Variants in UNC79 observed in about 807,000 individuals in gnomAD.
UNC79 encodes protein unc-79 homolog.
Under a neutral mutation model 283.1 loss-of-function variants are expected in UNC79, and 37 were observed. The ratio of observed to expected loss-of-function variants is 0.13; its 90% CI spans 0.10 to 0.17. UNC79 has a LOEUF of 0.17. UNC79 is among the 10% of genes least tolerant of loss of function. UNC79 has a pLI of 1.00. For synonymous variants in UNC79, 1,107 were observed against 1,200.2 expected, an observed-to-expected ratio of 0.92 and a Z score of 1.61; for missense variants, 2,272 against 3,211.1, an observed-to-expected ratio of 0.71 and a Z score of 7.07.
chr14:93,373,701 T>C (rs2054500557), intron 1 of UNC79, among the ~76,000 whole-genome samples: 1 of 152,202 alleles, frequency 6.6e-6, no homozygotes, highest in Admixed American at 6.5e-5. Context: ...TACCAATTCT[T>C]GACAATGTTT....
chr14:93,557,324 C>T (rs992306550), intron 14 of UNC79, among the ~76,000 whole-genome samples: 2 of 152,124 alleles, frequency 1.3e-5, no homozygotes, highest in Non-Finnish European at 2.9e-5. Flanking sequence ...GTATCTTAGG[C>T]TGTTTCCTCA....
In UNC79 at chr14:93,688,566, G is replaced by C; in HGVS notation, c.6910-99G>C. 3 of 1,370,834 alleles carry C rather than the reference G, an allele frequency of 2.2e-6. No homozygotes were observed. Among genetic ancestry groups the C allele is most frequent in the Non-Finnish European group, 3.0e-6 (3 of 1,001,258 alleles). The allele number at this position is 1,370,834 out of a possible 1,614,324, so 84.9% of individuals were successfully genotyped here. A position where few individuals can be genotyped will look rare whatever the true frequency, so the allele number is the denominator to read the frequency against. ...AAGCAGGTTGTTTGCTCAGAGTGGC[G>C]ATAAGCGGGGTGGAAATGACAACCT... is the stretch of plus-strand genomic sequence containing the variant. On this transcript the variant is annotated intron_variant, in intron 43 of 48. Coordinates refer to ENST00000555664, the Ensembl canonical transcript of UNC79. This position sits in a 1 kb window ranked among gnomAD's most constrained non-coding sequence, Gnocchi z 4.0.
chr14:93,350,412 T>C (rs2053959576), intron 1 of UNC79, among the ~76,000 whole-genome samples: 1 of 152,108 alleles, frequency 6.6e-6, no homozygotes, highest in Non-Finnish European at 1.5e-5. Context: ...ATTTTTGTCT[T>C]AAAGTAAAAT....
chr14:93,367,919 T>C (rs935821964), intron 1 of UNC79, among the ~76,000 whole-genome samples: 5 of 152,212 alleles, frequency 3.3e-5, no homozygotes, highest in African/African-American at 1.2e-4. Flanking sequence ...GCTGCATGAT[T>C]GATTACAATG....
intron 42 of UNC79, 115 bp from the exon 46 acceptor site, chr14:93,686,457 C>A: frequency 9.2e-7 from 1 of 1,087,026 alleles, no homozygotes; most frequent in South Asian, 1.4e-5. Flanking sequence ...TGGAGTGAGT[C>A]AGAAATCCAG....
intron 1 of UNC79, among the ~76,000 whole-genome samples, chr14:93,385,947 A>G (rs767103348): frequency 6.6e-6 from 1 of 152,110 alleles, no homozygotes; most frequent in Non-Finnish European, 1.5e-5. Context: ...TTCCTTTCCA[A>G]CTTGGATGCC....
chr14:93,413,257 A>G (rs1056094968), intron 1 of UNC79, among the ~76,000 whole-genome samples: 9 of 142,804 alleles, frequency 6.3e-5, no homozygotes, highest in Admixed American at 3.8e-4. Context: ...ATTCCCACCT[A>G]TGAGTGAGAA....
chr14:93,627,918 T>A (rs1042995121), intron 30 of UNC79, among the ~76,000 whole-genome samples: 2 of 152,238 alleles, frequency 1.3e-5, no homozygotes, highest in Non-Finnish European at 2.9e-5. Context: ...TCTTCTTACC[T>A]CCACTGTTTC....
exon 47 of UNC79, chr14:93,694,386 G>A: frequency 6.2e-7 from 1 of 1,610,726 alleles, no homozygotes; most frequent in Non-Finnish European, 8.5e-7. Flanking sequence ...GGCATTGCAG[G>A]AATGCAATTC....
downstream of UNC79, chr14:93,707,087 G>A (rs2075924957): frequency 1.6e-6 from 1 of 629,902 alleles, no homozygotes; most frequent in African/African-American, 1.8e-5. Flanking sequence ...ACATATTTCT[G>A]ATGACTCCTT....
chr14:93,594,320 A>C (rs141472411), intron 23 of UNC79, among the ~76,000 whole-genome samples: 67 of 152,190 alleles, frequency 4.4e-4, no homozygotes, highest in Middle Eastern at 3.4e-3. Context: ...TCCAGGCTGA[A>C]GTGCAGTGGC....
intron 7 of UNC79, among the ~76,000 whole-genome samples, chr14:93,515,570 G>T (rs1210065293): frequency 2.0e-5 from 3 of 152,022 alleles, no homozygotes; most frequent in Non-Finnish European, 1.5e-5. Flanking sequence ...TGGTGAAAGG[G>T]TATAATTCTT....
intron 5 of UNC79, among the ~76,000 whole-genome samples, chr14:93,491,486 C>T (rs1566994151): frequency 6.6e-6 from 1 of 152,074 alleles, no homozygotes; most frequent in Non-Finnish European, 1.5e-5. Flanking sequence ...AAGCAGGGTG[C>T]TTTGAGATTA....
intron 40 of UNC79, among the ~76,000 whole-genome samples, chr14:93,664,809 A>C (rs1345743474): frequency 6.6e-6 from 1 of 152,162 alleles, no homozygotes; most frequent in Non-Finnish European, 1.5e-5. Flanking sequence ...TAACCTTGGA[A>C]TATCTGGCAG....
intron 5 of UNC79, among the ~76,000 whole-genome samples, chr14:93,491,790 G>A (rs11627130): frequency 0.013 from 2,033 of 152,300 alleles, 42 homozygotes; most frequent in Non-Finnish European, 0.02. Context: ...CTGTGGTCAG[G>A]TAGAGTTGCA....
At chr14:93,539,323 C>A (rs1023157724) in intron 12 of UNC79, among the ~76,000 whole-genome samples, 2 of 150,090 alleles carry the variant, frequency 1.3e-5, no homozygotes, top group Non-Finnish European at 3.0e-5. Context: ...GATTTCGAGA[C>A]CAGCCTGACC....
At chr14:93,555,564 C>T (rs1393500887) in intron 14 of UNC79, among the ~76,000 whole-genome samples, 1 of 152,002 alleles carries the variant, frequency 6.6e-6, no homozygotes, top group Non-Finnish European at 1.5e-5. Flanking sequence ...CCACCATGCC[C>T]GGCTAATTTT....
chr14:93,690,060 G>A lies in UNC79; in HGVS notation c.7086-57G>A, dbSNP rs2074568343. The A allele has an allele frequency of 1.5e-5, 24 of 1,567,598 alleles. No homozygotes were observed. Among genetic ancestry groups the A allele is most frequent in the Non-Finnish European group, 2.0e-5 (23 of 1,147,340 alleles). On this transcript the variant is annotated intron_variant, in intron 44 of 48. Transcript: ENST00000555664. This position sits in a 1 kb window ranked among gnomAD's most constrained non-coding sequence, Gnocchi z 4.3. Reference sequence around the variant, plus strand: ...CCTTCCTTCAATAAGCATTTGTTATGCACCCAATGAAACACAAAACATAAA... The same window carrying A: ...CCTTCCTTCAATAAGCATTTGTTATACACCCAATGAAACACAAAACATAAA...
chr14:93,620,791 C>T, intron 29 of UNC79, 101 bp from the exon 31 acceptor site: 1 of 339,780 alleles, frequency 2.9e-6, no homozygotes, highest in Non-Finnish European at 5.9e-6. Flanking sequence ...GAAACTAACC[C>T]AGACCTTGTT....
Sources: allele counts gnomAD v4.1 joint callset (sites outside exome capture counted in the v4.1 genomes callset), GRCh38; gene constraint gnomAD v4.1.1; non-coding constraint Gnocchi (gnomAD v3.1); transcripts MANE v1.5; gene names NCBI Gene and HGNC (gene_info 2026-07-23, HGNC 2026-07-21).